Variants in SLC27A2 observed in about 807,000 individuals in gnomAD.
SLC27A2 encodes the protein long-chain fatty acid transport protein 2.
SLC27A2 carries 54 observed loss-of-function variants against 60.0 expected under a neutral mutation model. The observed-to-expected ratio is 0.90, with a 90% CI of 0.72 to 1.13. SLC27A2 has a LOEUF of 1.13. Ranked by LOEUF, SLC27A2 falls within the 50% of genes most tolerant of loss-of-function variation. The probability of loss-of-function intolerance (pLI) is 0.00; values close to 1 mark genes in which losing one functional copy is unlikely to be tolerated. For missense variants in SLC27A2, 739 were observed against 777.6 expected, an observed-to-expected ratio of 0.95 and a Z score of 0.59; for synonymous variants, 297 against 297.6, an observed-to-expected ratio of 1.00 and a Z score of 0.02.
At chr15:50,188,673 T>A (rs1468173703) in intron 1 of SLC27A2, among the ~76,000 whole-genome samples, 1 of 152,190 alleles carries the variant, frequency 6.6e-6, no homozygotes, top group South Asian at 2.1e-4. Context: ...AATAAGTGTC[T>A]GTTGGGCAGG....
chr15:50,235,074 T>C (rs1450262864), intron 9 of SLC27A2, among the ~76,000 whole-genome samples: 1 of 152,160 alleles, frequency 6.6e-6, no homozygotes, highest in Non-Finnish European at 1.5e-5. Flanking sequence ...ATTAACCCTT[T>C]GGTTGGTTTA....
intron 1 of SLC27A2, among the ~76,000 whole-genome samples, chr15:50,184,252 C>A (rs1007557283): frequency 2.0e-5 from 3 of 151,924 alleles, no homozygotes; most frequent in Admixed American, 1.3e-4. Context: ...CTTGGCCTCG[C>A]AAAGTGCTGG....
intron 1 of SLC27A2, among the ~76,000 whole-genome samples, chr15:50,190,705 G>A (rs2044966228): frequency 6.6e-6 from 1 of 151,844 alleles, no homozygotes; most frequent in South Asian, 2.1e-4. Flanking sequence ...GGGGATGGGG[G>A]AGTAGTGTTG....
intron 7 of SLC27A2, among the ~76,000 whole-genome samples, chr15:50,228,149 G>A (rs975034501): frequency 3.4e-4 from 52 of 152,140 alleles, no homozygotes; most frequent in African/African-American, 1.2e-3. Context: ...AGGCCGAGGC[G>A]GGTGGATCAC....
chr15:50,205,212 T>A, intron 3 of SLC27A2, 27 bp from the exon 4 acceptor site: 1 of 1,573,640 alleles, frequency 6.4e-7, no homozygotes, highest in Non-Finnish European at 8.7e-7. Context: ...CATTTCTTTC[T>A]TGACACTTTC....
intron 2 of SLC27A2, among the ~76,000 whole-genome samples, chr15:50,199,686 T>G (rs35474534): frequency 1.8e-3 from 270 of 152,260 alleles, no homozygotes; most frequent in Non-Finnish European, 3.4e-3. Flanking sequence ...CTCAGAACTT[T>G]GGGAGGCCAA....
intron 4 of SLC27A2, among the ~76,000 whole-genome samples, chr15:50,210,621 G>A (rs1027194247): frequency 6.6e-6 from 1 of 152,192 alleles, no homozygotes; most frequent in Non-Finnish European, 1.5e-5. Flanking sequence ...TAATTTGAAC[G>A]GGGCAAGAAG....
chr15:50,219,445 T>A (rs1322644075), intron 4 of SLC27A2, among the ~76,000 whole-genome samples: 1 of 151,988 alleles, frequency 6.6e-6, no homozygotes, highest in Non-Finnish European at 1.5e-5. Context: ...TTTTCTTTTT[T>A]TTGTGGGGGG....
rs985701604 is a variant in SLC27A2 at position 50,182,243 on chromosome 15, C to G, written c.-185C>G. On this transcript the variant is annotated 5_prime_UTR_variant, in exon 1 of 10. Coordinates refer to ENST00000267842, the MANE Select transcript of SLC27A2 (RefSeq NM_003645.4). ...AACGCGCATACGACTACACCTGCTC[C>G]GGAGCCCGCGGCGGTACCTGCAGCG... 8 of 988,252 alleles carry G rather than the reference C, an allele frequency of 8.1e-6. No individual in the cohort carries two copies. In the Admixed American group the frequency reaches 2.6e-4, roughly 33 times the overall value. The allele number at this position is 988,252 out of a possible 1,614,324, so 61.2% of individuals were successfully genotyped here.
At chr15:50,199,475 C>CT (rs201115052) in intron 2 of SLC27A2, among the ~76,000 whole-genome samples, 18 of 88,524 alleles carry the variant, frequency 2.0e-4, no homozygotes, top group East Asian at 1.4e-3. Flanking sequence ...GAGACTCTGT[C>CT]TTAAAAAAAA....
chr15:50,222,795 G>A (rs1161428633), intron 4 of SLC27A2, among the ~76,000 whole-genome samples, 170 bp from the exon 5 acceptor site: 1 of 152,114 alleles, frequency 6.6e-6, no homozygotes, highest in Non-Finnish European at 1.5e-5. Flanking sequence ...CGATGTGTGT[G>A]GGTGGCAGGA....
At chr15:50,184,602 G>A (rs181456683) in intron 1 of SLC27A2, among the ~76,000 whole-genome samples, 2 of 151,998 alleles carry the variant, frequency 1.3e-5, no homozygotes, top group Non-Finnish European at 2.9e-5. Context: ...TTGGGAGGCC[G>A]AGGCAGGTGG....
chr15:50,206,499 G>A (rs983980600), intron 4 of SLC27A2, among the ~76,000 whole-genome samples: 1 of 152,092 alleles, frequency 6.6e-6, no homozygotes, highest in African/African-American at 2.4e-5. Flanking sequence ...CTTCCCCCAG[G>A]TCTCTCTCAC....
intron 6 of SLC27A2, 71 bp downstream of exon 6, chr15:50,226,149 A>G (rs2045277087): frequency 1.1e-6 from 1 of 928,840 alleles, no homozygotes; most frequent in African/African-American, 1.6e-5. Context: ...AAGGACTAAC[A>G]TATTATTGCC....
chr15:50,182,751 G>A lies in SLC27A2; in HGVS notation c.324G>A (p.Ala108=), dbSNP rs1230065248. ...GCCTGCGCCAGGGAGACTGCGTGGC[G>A]CTCCTTATGGGTAACGAGCCGGCCT... ...HLGLRQGDCV[A]LLMGNEPAYV... is the part of the protein sequence containing the mutation. The change falls in exon 1 of 10, where the codon GCG becomes GCA. Residue 108 remains alanine, a synonymous_variant. Coordinates refer to ENST00000267842, the MANE Select transcript of SLC27A2 (RefSeq NM_003645.4). The A allele has an allele frequency of 6.2e-7, 1 of 1,613,868 alleles. No individual in the cohort carries two copies. Among genetic ancestry groups the A allele is most frequent in the African/African-American group, 1.3e-5 (1 of 75,066 alleles).
intron 2 of SLC27A2, among the ~76,000 whole-genome samples, chr15:50,201,271 A>G (rs2045061564): frequency 6.6e-6 from 1 of 152,138 alleles, no homozygotes; most frequent in South Asian, 2.1e-4. Flanking sequence ...GGACTGGCCA[A>G]CTTTTATCTT....
At chr15:50,188,001 A>G (rs977075840) in intron 1 of SLC27A2, among the ~76,000 whole-genome samples, 1 of 151,934 alleles carries the variant, frequency 6.6e-6, no homozygotes, top group Admixed American at 6.6e-5. Context: ...GAGAGTCCCA[A>G]CAAGGTACAA....
At chr15:50,200,581 A>G (rs2045056436) in intron 2 of SLC27A2, among the ~76,000 whole-genome samples, 1 of 152,200 alleles carries the variant, frequency 6.6e-6, no homozygotes, top group African/African-American at 2.4e-5. Context: ...TGGTGAAGGT[A>G]CCACCAAGTA....
chr15:50,228,637 G>T (rs894990032), intron 7 of SLC27A2, among the ~76,000 whole-genome samples: 15 of 152,122 alleles, frequency 9.9e-5, no homozygotes, highest in African/African-American at 3.6e-4. Context: ...AAATCGTTGA[G>T]ATTTCTTTCT....
Sources: allele counts gnomAD v4.1 joint callset (sites outside exome capture counted in the v4.1 genomes callset), GRCh38; gene constraint gnomAD v4.1.1; transcripts MANE v1.5; gene names NCBI Gene and HGNC (gene_info 2026-07-23, HGNC 2026-07-21).